The following BTBD9 variants were observed in gnomAD, a reference collection of about 807,000 sequenced individuals.
BTBD9 encodes BTB domain containing 9.
BTBD9 carries 49 observed loss-of-function variants against 64.3 expected under a neutral mutation model. The ratio of observed to expected loss-of-function variants is 0.76; its 90% CI spans 0.61 to 0.97. The LOEUF is 0.97. Among genes scored for constraint, BTBD9 ranks in the 50% least tolerant of loss-of-function variants. BTBD9 has a pLI of 0.00. For synonymous variants in BTBD9, 260 were observed against 274.7 expected (o/e 0.95, Z 0.53); for missense variants, 598 against 762.1 (o/e 0.78, Z 2.53).
At chr6:38,429,287 T>A (rs555374976) in intron 6 of BTBD9, among the ~76,000 whole-genome samples, 92 of 151,080 alleles carry the variant, frequency 6.1e-4, no homozygotes, top group Non-Finnish European at 9.7e-4. Context: ...AGACCCTGTC[T>A]CTACTAAAAA....
At chr6:38,493,270 C>T (rs923621590) in intron 6 of BTBD9, among the ~76,000 whole-genome samples, 1 of 152,178 alleles carries the variant, frequency 6.6e-6, no homozygotes, top group South Asian at 2.1e-4. Context: ...TAGATGCAGG[C>T]GGCCAGAAAC....
In BTBD9 at chr6:38,426,636, C is replaced by A. The variant is rs1271303362; in HGVS notation, c.1155-81543G>T. 2.0e-5 allele frequency among the ~76,000 whole-genome samples: 3 copies of A among 151,904 alleles called. 1 individual carries two copies. The highest frequency in any genetic ancestry group is 4.9e-5 in the African/African-American group (2 of 41,190). The stretch of plus-strand genomic sequence containing the variant: ...CCAGCGAGGCGCCTATTGCCACTCC[C>A]GATTGGGCTAAAGGCTTGCCATTGT... On this transcript the variant is annotated intron_variant, in intron 6 of 10. Transcript: ENST00000481247.
intron 6 of BTBD9, among the ~76,000 whole-genome samples, chr6:38,511,996 G>A (rs534158083): frequency 7.3e-5 from 11 of 151,698 alleles, no homozygotes; most frequent in East Asian, 2.0e-4. Context: ...TTTTTGAGAC[G>A]GAGTTTCACT....
chr6:38,488,311 T>A (rs1771548945), intron 6 of BTBD9, among the ~76,000 whole-genome samples: 1 of 152,040 alleles, frequency 6.6e-6, no homozygotes, highest in Non-Finnish European at 1.5e-5. Flanking sequence ...GATTTTCAAA[T>A]GGATCTAGCC....
chr6:38,212,424 G>C (rs1014729522), intron 9 of BTBD9, among the ~76,000 whole-genome samples: 8 of 152,154 alleles, frequency 5.3e-5, no homozygotes, highest in Admixed American at 1.3e-4. Flanking sequence ...AGGACTATGG[G>C]GCATGACCCT....
intron 6 of BTBD9, among the ~76,000 whole-genome samples, chr6:38,357,477 T>C (rs148970058): frequency 6.4e-4 from 98 of 152,342 alleles, no homozygotes; most frequent in African/African-American, 2.3e-3. Context: ...TGAGAATTGA[T>C]GTGTTCTGAA....
At chr6:38,434,072 G>A (rs913667474) in intron 6 of BTBD9, among the ~76,000 whole-genome samples, 7 of 151,854 alleles carry the variant, frequency 4.6e-5, no homozygotes, top group African/African-American at 1.7e-4. Context: ...TTCTGACTCT[G>A]GTATAGCATT....
chr6:38,638,408 T>G lies in BTBD9; in HGVS notation c.-28+1392A>C, dbSNP rs538688339. Reference sequence around the variant, plus strand: ...GTATTAAGTACTTGATGGACTGAACTCAATGCTTTCTATACATAGATACAC... The same window carrying G: ...GTATTAAGTACTTGATGGACTGAACGCAATGCTTTCTATACATAGATACAC... On this transcript the variant is annotated intron_variant, in intron 1 of 10. Transcript: ENST00000481247. Among the ~76,000 whole-genome samples the G allele has an allele frequency of 8.3e-4, 126 of 152,320 alleles. 1 individual carries two copies. Among genetic ancestry groups the G allele is most frequent in the African/African-American group, 3.0e-3 (124 of 41,568 alleles).
intron 1 of BTBD9, among the ~76,000 whole-genome samples, chr6:38,637,238 T>C (rs1244232422): frequency 6.6e-6 from 1 of 152,228 alleles, no homozygotes; most frequent in East Asian, 1.9e-4. Flanking sequence ...ATGCTGAGCA[T>C]ATACTGTGTC....
At chr6:38,271,214 T>G (rs1475774768) in intron 8 of BTBD9, among the ~76,000 whole-genome samples, 2 of 152,174 alleles carry the variant, frequency 1.3e-5, no homozygotes, top group Non-Finnish European at 2.9e-5. Flanking sequence ...AATGCTCTTC[T>G]GAGGTCAGAG....
chr6:38,381,574 T>TTGA (rs1197342135), intron 6 of BTBD9, among the ~76,000 whole-genome samples: 25 of 152,306 alleles, frequency 1.6e-4, no homozygotes, highest in African/African-American at 6.0e-4. Flanking sequence ...TATAGAATAT[T>TTGA]TGAGCAACAT....
intron 7 of BTBD9, among the ~76,000 whole-genome samples, chr6:38,298,319 T>C (rs1347570277): frequency 6.6e-6 from 1 of 152,204 alleles, no homozygotes; most frequent in African/African-American, 2.4e-5. Flanking sequence ...TTAATAATTA[T>C]ATATTCCTTC....
chr6:38,275,429 T>C (rs1292004136), intron 8 of BTBD9, among the ~76,000 whole-genome samples: 1 of 152,124 alleles, frequency 6.6e-6, no homozygotes, highest in African/African-American at 2.4e-5. Context: ...ATTCAGGACA[T>C]AGGCATGGTC....
intron 6 of BTBD9, among the ~76,000 whole-genome samples, chr6:38,485,168 T>A (rs1771338748): frequency 6.6e-6 from 1 of 152,222 alleles, no homozygotes; most frequent in African/African-American, 2.4e-5. Context: ...AATTCTATCT[T>A]CACTTTCTTT....
At chr6:38,609,140 C>G (rs2127510159) in intron 1 of BTBD9, among the ~76,000 whole-genome samples, 1 of 152,196 alleles carries the variant, frequency 6.6e-6, no homozygotes, top group East Asian at 1.9e-4. Context: ...ATTTTAGGAA[C>G]AGAAAAAGCT....
At chr6:38,423,438 G>A (rs1488680173) in intron 6 of BTBD9, among the ~76,000 whole-genome samples, 1 of 151,976 alleles carries the variant, frequency 6.6e-6, no homozygotes, top group East Asian at 1.9e-4. Context: ...CCTCGAAACT[G>A]GGACTACAGG....
intron 6 of BTBD9, among the ~76,000 whole-genome samples, chr6:38,363,531 A>AT (rs1420064807): frequency 1.4e-4 from 22 of 152,208 alleles, no homozygotes; most frequent in African/African-American, 5.3e-4. Flanking sequence ...GTGAGCTATG[A>AT]TTGATTGCAC....
intron 6 of BTBD9, among the ~76,000 whole-genome samples, chr6:38,384,904 G>A (rs1016662913): frequency 6.6e-6 from 1 of 151,822 alleles, no homozygotes; most frequent in Non-Finnish European, 1.5e-5. Flanking sequence ...GTTAGTGTAG[G>A]AATATAATCA....
intron 6 of BTBD9, among the ~76,000 whole-genome samples, chr6:38,563,906 C>T (rs896433560): frequency 5.3e-5 from 8 of 151,890 alleles, no homozygotes; most frequent in Non-Finnish European, 7.4e-5. Flanking sequence ...CTCAGCCTCC[C>T]GAGTAGCTGG....
Sources: allele counts gnomAD v4.1 joint callset (sites outside exome capture counted in the v4.1 genomes callset), GRCh38; gene constraint gnomAD v4.1.1; transcripts MANE v1.5; gene names NCBI Gene and HGNC (gene_info 2026-07-23, HGNC 2026-07-21).